The following ERG variants were observed in gnomAD, a reference collection of about 807,000 sequenced individuals.
ERG encodes the protein ETS transcription factor ERG, also known as transcriptional regulator ERG.
In ERG, 9 loss-of-function variants were observed where a neutral mutation model predicts 55.3. That is an observed-to-expected ratio of 0.16 (90% CI 0.10 to 0.28). The LOEUF is 0.28. ERG is among the 10% of genes least tolerant of loss of function. The pLI is 1.00. For synonymous variants in ERG, 223 were observed against 237.3 expected (o/e 0.94, Z 0.55); for missense variants, 434 against 631.6 (o/e 0.69, Z 3.35).
rs554574942 is a variant in ERG, at chr21:38,400,372, C to G, written c.745+202G>C. On this transcript the variant is annotated intron_variant, in intron 6 of 9. Transcript: ENST00000288319. ...AAGCTAGTTAAAGGGCTAATCTGCT[C>G]TTAATTCCTTTAGTGTGGTCTTTGA... 5.8e-6 allele frequency: 4 copies of G among 687,238 alleles called. No individual in the cohort carries two copies. The East Asian group carries it at 1.1e-4, about 19-fold the overall frequency. The allele number at this position is 687,238 out of a possible 1,614,324, so 42.6% of individuals were successfully genotyped here. A position where few individuals can be genotyped will look rare whatever the true frequency, so the allele number is the denominator to read the frequency against.
At position 38,630,945 on chromosome 21, in the gene ERG, TGAA is replaced by T. The variant is rs146384486; in HGVS notation, c.-150+30710_-150+30712del. ...AGAAGCACTACAAAGAAAAAATAAA[TGAA>T]GAAGAACAAAAATGAAGATAAAGGG... On this transcript the variant is annotated intron_variant, in intron 1 of 10. Transcript: ENST00000398910. Among the ~76,000 whole-genome samples, 1,072 of 152,152 alleles carry T rather than the reference TGAA, an allele frequency of 7.0e-3. 8 individuals carry two copies. Among genetic ancestry groups the T allele is most frequent in the Non-Finnish European group, 0.011 (761 of 67,992 alleles).
At chr21:38,542,936 G>A (rs934451134) in intron 2 of ERG, among the ~76,000 whole-genome samples, 9 of 152,026 alleles carry the variant, frequency 5.9e-5, no homozygotes, top group African/African-American at 1.9e-4. Context: ...TTCTTTAGAC[G>A]ACAGCCATCA....
At chr21:38,452,323 G>A (rs184848585) in intron 1 of ERG, among the ~76,000 whole-genome samples, 71 of 152,078 alleles carry the variant, frequency 4.7e-4, no homozygotes, top group Non-Finnish European at 9.0e-4. Flanking sequence ...ACATACATGC[G>A]CAAATACATA....
At chr21:38,600,075 G>A (rs1472503342) in intron 1 of ERG, among the ~76,000 whole-genome samples, 3 of 152,232 alleles carry the variant, frequency 2.0e-5, no homozygotes, top group Non-Finnish European at 4.4e-5. Flanking sequence ...CGAGGTTGGT[G>A]ACAGGGCCAG....
intron 3 of ERG, among the ~76,000 whole-genome samples, chr21:38,406,963 CA>C (rs1185297677): frequency 6.6e-6 from 1 of 152,194 alleles, no homozygotes; most frequent in Non-Finnish European, 1.5e-5. Context: ...CTTATCTCTA[CA>C]AGTCTCACTT....
chr21:38,374,640 C>A, the ERG span, among the ~76,000 whole-genome samples: 2 of 152,132 alleles, frequency 1.3e-5, no homozygotes, highest in Non-Finnish European at 2.9e-5. Flanking sequence ...GTTACTATAA[C>A]CATCTTTAAT....
At chr21:38,640,456 C>T (rs549370346) in intron 1 of ERG, among the ~76,000 whole-genome samples, 1 of 152,210 alleles carries the variant, frequency 6.6e-6, no homozygotes, top group African/African-American at 2.4e-5. Flanking sequence ...AATTGTAGCT[C>T]CCGTAACTTC....
At chr21:38,592,000 C>T (rs139344534) in intron 1 of ERG, among the ~76,000 whole-genome samples, 1,924 of 152,298 alleles carry the variant, frequency 0.013, 23 homozygotes, top group Non-Finnish European at 0.021. Flanking sequence ...CACTTAAGGA[C>T]GTTACTGTCT....
At chr21:38,449,058 C>T (rs1321254183) in intron 1 of ERG, 1 of 152,202 alleles carries the variant, frequency 6.6e-6, no homozygotes, top group Non-Finnish European at 1.5e-5. Context: ...AGGCAGCTGC[C>T]TTAGTTAGCA....
intron 2 of ERG, among the ~76,000 whole-genome samples, chr21:38,554,755 C>T (rs1374313616): frequency 6.6e-6 from 1 of 151,674 alleles, no homozygotes; most frequent in East Asian, 1.9e-4. Flanking sequence ...AAATAATCTG[C>T]ACACCAAACT....
chr21:38,464,880 C>A (rs956069690), intron 1 of ERG, among the ~76,000 whole-genome samples: 2 of 152,168 alleles, frequency 1.3e-5, no homozygotes, highest in African/African-American at 4.8e-5. Context: ...CATGTCCCTG[C>A]AAAGGACATG....
At chr21:38,558,341 G>T (rs1398745674) in intron 2 of ERG, among the ~76,000 whole-genome samples, 1 of 152,200 alleles carries the variant, frequency 6.6e-6, no homozygotes, top group Non-Finnish European at 1.5e-5. Flanking sequence ...CTGAATAGGA[G>T]ATTAAAGTAA....
chr21:38,370,309 T>G, the ERG span, among the ~76,000 whole-genome samples: 1 of 152,134 alleles, frequency 6.6e-6, no homozygotes, highest in South Asian at 2.1e-4. Context: ...TTACAATAGT[T>G]AAACATTTTG....
At position 38,381,159 on chromosome 21, in the gene ERG, C is replaced by T. The variant is rs1228476831; in HGVS notation, c.*2244G>A. On this transcript the variant is annotated 3_prime_UTR_variant, in exon 10 of 10. Transcript: ENST00000288319. Reference sequence around the variant, plus strand: ...TCAAAGCCCACTGCCAAAACATCCACAGCACAGAGGTTTGGCAACTTCACA... The same window carrying T: ...TCAAAGCCCACTGCCAAAACATCCATAGCACAGAGGTTTGGCAACTTCACA... 2 of 1,065,292 alleles carry T rather than the reference C, an allele frequency of 1.9e-6. No individual in the cohort carries two copies. The highest frequency in any genetic ancestry group is 5.3e-5 in the Admixed American group (1 of 18,736). The allele number at this position is 1,065,292 out of a possible 1,614,324, so 66.0% of individuals were successfully genotyped here.
At chr21:38,579,036 A>G (rs571774678) in intron 1 of ERG, among the ~76,000 whole-genome samples, 64 of 152,246 alleles carry the variant, frequency 4.2e-4, no homozygotes, top group African/African-American at 1.5e-3. Context: ...TGCCCTCAAA[A>G]TGGGTTTGGA....
At chr21:38,423,115 G>A (rs60006003) in intron 3 of ERG, among the ~76,000 whole-genome samples, 5,268 of 151,206 alleles carry the variant, frequency 0.035, 250 homozygotes, top group East Asian at 0.2. Flanking sequence ...GTGTGTGTGT[G>A]TGTGTGTGTA....
intron 1 of ERG, among the ~76,000 whole-genome samples, chr21:38,482,106 A>G (rs2059243417): frequency 6.6e-6 from 1 of 152,220 alleles, no homozygotes; most frequent in South Asian, 2.1e-4. Context: ...CAAGTGAAAC[A>G]TTCCCATCCA....
chr21:38,416,894 G>C (rs1009567810), intron 3 of ERG, among the ~76,000 whole-genome samples: 1 of 152,218 alleles, frequency 6.6e-6, no homozygotes, highest in Non-Finnish European at 1.5e-5. Context: ...GTGAGTTGGG[G>C]ATGTGGCAGA....
At chr21:38,603,118 G>A (rs1286754041) in intron 1 of ERG, among the ~76,000 whole-genome samples, 1 of 151,860 alleles carries the variant, frequency 6.6e-6, no homozygotes, top group South Asian at 2.1e-4. Context: ...GTTCCAAATT[G>A]CTAAACTTGT....
Sources: gnomAD v4.1 joint callset for allele counts (sites outside exome capture counted in the v4.1 genomes callset) on GRCh38, gnomAD v4.1.1 for gene constraint, MANE v1.5 for transcripts, NCBI Gene and HGNC (gene_info 2026-07-23, HGNC 2026-07-21) for gene names.